Variants in CCDC3 observed in about 807,000 individuals in gnomAD.
CCDC3 encodes coiled-coil domain containing 3.
CCDC3 carries 24 observed loss-of-function variants against 21.4 expected under a neutral mutation model. That is an observed-to-expected ratio of 1.12 (90% confidence interval 0.81 to 1.58). The LOEUF (loss-of-function observed/expected upper bound fraction) is 1.58. Ranked by LOEUF, CCDC3 falls within the 40% of genes most tolerant of loss-of-function variation. The pLI, the probability that CCDC3 is intolerant of heterozygous loss-of-function variation, is 0.00. For synonymous variants in CCDC3, 186 were observed against 166.0 expected (o/e 1.12, Z -0.93); for missense variants, 425 against 360.9 (o/e 1.18, Z -1.44).
chr10:13,076,765 G>T (rs958178042), intron 3 of CCDC3, among the ~76,000 whole-genome samples: 50 of 152,290 alleles, frequency 3.3e-4, no homozygotes, highest in African/African-American at 1.2e-3. Context: ...CCTTTAGTAA[G>T]CAACTTCCTC....
chr10:13,010,907 C>A (rs907579184), intron 5 of CCDC3, among the ~76,000 whole-genome samples: 18 of 152,172 alleles, frequency 1.2e-4, no homozygotes, highest in African/African-American at 4.3e-4. Context: ...AAGGGCCGGG[C>A]ACAGCGGCTC....
At position 13,094,217 on chromosome 10, in the gene CCDC3, T is replaced by A. The variant is rs561510811; in HGVS notation, c.-503+4308A>T. Among the ~76,000 whole-genome samples the A allele has an allele frequency of 2.3e-4, 35 of 151,068 alleles. No homozygotes were observed. The South Asian group carries it at 6.6e-3, about 29-fold the overall frequency. ...ATAACCTAAGGGGTAAATACCTGGCTCTTTCCCAGTGAGTTTACTTTTCAA... is the reference window on the plus strand; with the variant it reads ...ATAACCTAAGGGGTAAATACCTGGCACTTTCCCAGTGAGTTTACTTTTCAA... On this transcript the variant is annotated intron_variant, in intron 3 of 6. Transcript: ENST00000378839.
chr10:13,006,279 G>C (rs991159293), upstream of CCDC3, among the ~76,000 whole-genome samples: 21 of 152,228 alleles, frequency 1.4e-4, no homozygotes, highest in African/African-American at 5.1e-4. Context: ...TTGCAAATCA[G>C]TGAGGAGAAA....
upstream of CCDC3, among the ~76,000 whole-genome samples, chr10:13,002,808 A>C (rs1043715956): frequency 1.3e-5 from 2 of 152,208 alleles, no homozygotes; most frequent in African/African-American, 4.8e-5. Context: ...GAAGTCCAAG[A>C]TTAAAGTGCT....
At chr10:13,071,311 G>C (rs1473428395) in intron 4 of CCDC3, among the ~76,000 whole-genome samples, 1 of 151,996 alleles carries the variant, frequency 6.6e-6, no homozygotes, top group East Asian at 1.9e-4. Flanking sequence ...CCCTCAAGAC[G>C]TATTTTTGTC....
intron 2 of CCDC3, among the ~76,000 whole-genome samples, chr10:12,921,852 C>T (rs866906182): frequency 1.6e-4 from 25 of 152,186 alleles, no homozygotes; most frequent in Non-Finnish European, 2.9e-4. Flanking sequence ...AAGTGATCCT[C>T]CTGCCTCAGC....
intron 2 of CCDC3, among the ~76,000 whole-genome samples, chr10:12,977,032 G>A (rs140271120): frequency 3.2e-3 from 493 of 152,290 alleles, no homozygotes; most frequent in Non-Finnish European, 5.9e-3. Flanking sequence ...CCAGCACTTT[G>A]GGAGGCCAAG....
intron 3 of CCDC3, among the ~76,000 whole-genome samples, chr10:13,077,509 C>G (rs1485645021): frequency 1.3e-5 from 2 of 152,206 alleles, no homozygotes; most frequent in East Asian, 3.8e-4. Context: ...GAAAAAACTA[C>G]TTTAAAGTTC....
intron 4 of CCDC3, chr10:13,058,363 C>G: frequency 2.8e-6 from 3 of 1,074,042 alleles, no homozygotes; most frequent in Non-Finnish European, 4.3e-6. Context: ...TCCTGTGGGT[C>G]AGCAGCAGTC....
intron 2 of CCDC3, among the ~76,000 whole-genome samples, chr10:12,993,846 G>C (rs910006731): frequency 6.6e-6 from 1 of 152,290 alleles, no homozygotes; most frequent in African/African-American, 2.4e-5. Context: ...GAGAGGTGCT[G>C]GAAAGGAACC....
chr10:12,913,777 G>A (rs1490934537), intron 2 of CCDC3, among the ~76,000 whole-genome samples: 1 of 152,140 alleles, frequency 6.6e-6, no homozygotes, highest in Non-Finnish European at 1.5e-5. Flanking sequence ...TTTGTTGAAA[G>A]TTTTTTTATC....
At chr10:13,019,666 C>T (rs994437460) in intron 5 of CCDC3, among the ~76,000 whole-genome samples, 5 of 152,266 alleles carry the variant, frequency 3.3e-5, no homozygotes, top group Admixed American at 1.3e-4. Flanking sequence ...CTCATGATAA[C>T]GTTTAAAAAT....
intron 3 of CCDC3, chr10:13,074,153 A>ATTTTTTTTT: frequency 1.6e-5 from 1 of 64,308 alleles, no homozygotes; most frequent in South Asian, 6.9e-4. Flanking sequence ...ATATATATAT[A>ATTTTTTTTT]TTTTTTTTTT....
intron 4 of CCDC3, among the ~76,000 whole-genome samples, chr10:13,060,105 G>A (rs535287960): frequency 1.3e-5 from 2 of 152,098 alleles, no homozygotes; most frequent in Non-Finnish European, 2.9e-5. Context: ...AAAAAACATT[G>A]TTTTTCTACA....
upstream of CCDC3, among the ~76,000 whole-genome samples, chr10:13,002,886 G>C (rs1467581954): frequency 6.6e-6 from 1 of 152,178 alleles, no homozygotes; most frequent in Non-Finnish European, 1.5e-5. Context: ...GTGTCCTCAC[G>C]TGGCCTTCTC....
rs764372915 is a variant in CCDC3, at chr10:12,898,585, C to A, written c.644G>T (p.Arg215Leu). ...QKVATLEKRN[R>L]QLRERVKKVK... ...CTTCTTCACTCGCTCCCGGAGCTGC[C>A]GGTTGCGCTTCTCCAGGGTGGCCAC... Residue 215 changes from arginine (R) to leucine (L), a missense_variant, in exon 3 of 3, where the codon CGG becomes CTG. Transcript: ENST00000378825. The A allele has an allele frequency of 5.0e-6, 8 of 1,614,120 alleles. No individual in the cohort carries two copies. The highest frequency in any genetic ancestry group is 6.8e-6 in the Non-Finnish European group (8 of 1,180,046).
chr10:13,093,179 T>G (rs530997848), intron 3 of CCDC3, among the ~76,000 whole-genome samples: 4 of 152,206 alleles, frequency 2.6e-5, no homozygotes, highest in East Asian at 3.9e-4. Flanking sequence ...AAAAAGAGGT[T>G]TAATGGACTC....
At chr10:12,947,013 T>C (rs1834925350) in intron 2 of CCDC3, among the ~76,000 whole-genome samples, 1 of 152,206 alleles carries the variant, frequency 6.6e-6, no homozygotes, top group Non-Finnish European at 1.5e-5. Context: ...GGTTTTCCTT[T>C]TTTGTTTCTA....
rs561616352 is a variant in CCDC3 at position 12,968,652 on chromosome 10, T to C, written c.549+29686A>G. ...TAGTATGAAGGTTAAAAGATGAAACTATTTAAAATAATAGCTATAATTTTT... is the reference window on the plus strand; with the variant it reads ...TAGTATGAAGGTTAAAAGATGAAACCATTTAAAATAATAGCTATAATTTTT... On this transcript the variant is annotated intron_variant, in intron 2 of 2. Coordinates refer to ENST00000378825, the MANE Select transcript of CCDC3 (RefSeq NM_031455.4). Among the ~76,000 whole-genome samples the C allele has an allele frequency of 2.0e-5, 3 of 152,310 alleles. No homozygotes were observed. The South Asian group carries it at 6.2e-4, about 32-fold the overall frequency.
Sources: allele counts gnomAD v4.1 joint callset (sites outside exome capture counted in the v4.1 genomes callset), GRCh38; gene constraint gnomAD v4.1.1; transcripts MANE v1.5; gene names NCBI Gene and HGNC (gene_info 2026-07-23, HGNC 2026-07-21).